CACNA1H: variants seen among roughly 807,000 people sequenced by gnomAD.
CACNA1H encodes voltage-dependent T-type calcium channel subunit alpha-1H.
Under a neutral mutation model 192.5 loss-of-function variants are expected in CACNA1H, and 149 were observed. The observed-to-expected ratio is 0.77, with a 90% CI of 0.68 to 0.89. The LOEUF is 0.89. CACNA1H is among the 40% of genes least tolerant of loss of function. The pLI, the probability that CACNA1H is intolerant of heterozygous loss-of-function variation, is 0.00. For synonymous variants in CACNA1H, 2,202 were observed against 1,475.2 expected, an observed-to-expected ratio of 1.49 and a Z score of -11.29; for missense variants, 4,257 against 3,423.5, an observed-to-expected ratio of 1.24 and a Z score of -6.08.
intron 5 of CACNA1H, among the ~76,000 whole-genome samples, chr16:1,197,606 G>T (rs3794621): frequency 6.6e-6 from 1 of 152,016 alleles, no homozygotes; most frequent in African/African-American, 2.4e-5. Context: ...TGACCTCTGG[G>T]TCATCTGTGA....
At chr16:1,192,733 G>A (rs1045904205) in intron 2 of CACNA1H, among the ~76,000 whole-genome samples, 12 of 152,190 alleles carry the variant, frequency 7.9e-5, no homozygotes, top group East Asian at 1.9e-4. Flanking sequence ...GGGGGTCTCC[G>A]GGGTGATCTG....
rs369508525 is a variant in CACNA1H, at chr16:1,209,352, C to T, written c.3684C>T (p.Phe1228=). 41 of 1,598,044 alleles carry T rather than the reference C, an allele frequency of 2.6e-5. No individual in the cohort carries two copies. The African/African-American group carries it at 2.7e-4, about 10-fold the overall frequency. The change falls in exon 17 of 35, where the codon TTC becomes TTT. Residue 1228 remains phenylalanine (F), a synonymous_variant. Transcript: ENST00000348261. ...DGQVVALPSD[F]FLRIDSHRED... ...AGGTGGTGGCCCTGCCCAGCGACTTCTTCCTGCGCATCGACAGCCACCGTG... is the reference window on the plus strand; with the variant it reads ...AGGTGGTGGCCCTGCCCAGCGACTTTTTCCTGCGCATCGACAGCCACCGTG...
intron 25 of CACNA1H, 83 bp downstream of exon 25, chr16:1,212,221 C>T (rs982055646): frequency 1.7e-5 from 26 of 1,485,832 alleles, no homozygotes; most frequent in South Asian, 5.2e-5. Flanking sequence ...ACTCCCGCCC[C>T]GGCCTCCCCG....
chr16:1,208,388 G>A (rs953804762), intron 16 of CACNA1H, among the ~76,000 whole-genome samples, 167 bp downstream of exon 16: 2 of 152,214 alleles, frequency 1.3e-5, no homozygotes, highest in Non-Finnish European at 2.9e-5. Context: ...AATGGAAGCT[G>A]TGGCTGCTGT....
At position 1,167,570 on chromosome 16, in the gene CACNA1H, C is replaced by T. The variant is rs893716701; in HGVS notation, c.299+13534C>T. ...CAAGTCGAGGAAGGCTGGAGCCACA[C>T]TCCTCACCGCGGCGGTGCCACTAAT... On this transcript the variant is annotated intron_variant, in intron 2 of 34. Coordinates refer to ENST00000348261, the MANE Select transcript of CACNA1H (RefSeq NM_021098.3). This position sits in a 1 kb window ranked among gnomAD's most constrained non-coding sequence, Gnocchi z 4.2. 2.0e-5 allele frequency among the ~76,000 whole-genome samples: 3 copies of T among 152,242 alleles called. No homozygotes were observed. The highest frequency in any genetic ancestry group is 7.2e-5 in the African/African-American group (3 of 41,468).
chr16:1,179,360 G>C (rs964818255), intron 2 of CACNA1H, among the ~76,000 whole-genome samples: 2 of 151,980 alleles, frequency 1.3e-5, no homozygotes, highest in Admixed American at 6.5e-5. Context: ...GGGATTGGGG[G>C]CCCCCCCATG....
At position 1,201,718 on chromosome 16, in the gene CACNA1H, C is replaced by G. The variant is rs60741169; in HGVS notation, c.1268C>G (p.Ser423Trp). Residue 423 changes from serine (S) to tryptophan (W), a missense_variant, in exon 9 of 35, where the codon TCG (serine) becomes TGG (tryptophan). Physicochemically the swap from Ser to Trp is radical, Grantham distance 177. Transcript: ENST00000348261. Reference sequence around the variant, plus strand: ...CTGGTGGTGATTGCCACGCAGTTCTCGGAGACGAAGCAGCGGGAGAGTCAG... The same window carrying G: ...CTGGTGGTGATTGCCACGCAGTTCTGGGAGACGAAGCAGCGGGAGAGTCAG... ...LCLVVIATQF[S>W]ETKQRESQLM... is the part of the protein sequence containing the mutation. 1 of 1,610,454 alleles carries G rather than the reference C, an allele frequency of 6.2e-7. No homozygotes were observed. Among genetic ancestry groups the G allele is most frequent in the Non-Finnish European group, 8.5e-7 (1 of 1,178,724 alleles).
chr16:1,178,820 C>T (rs956525670), intron 2 of CACNA1H, among the ~76,000 whole-genome samples: 7 of 152,212 alleles, frequency 4.6e-5, no homozygotes, highest in Non-Finnish European at 8.8e-5. Flanking sequence ...AGAGATGTGG[C>T]GGAGTGGCCG....
intron 18 of CACNA1H, 65 bp downstream of exon 18, chr16:1,210,200 C>T (rs1438838595): frequency 2.2e-6 from 3 of 1,359,786 alleles, no homozygotes; most frequent in Middle Eastern, 1.8e-4. Flanking sequence ...GCCCCCAGGT[C>T]CCTCCTGGGT....
intron 2 of CACNA1H, among the ~76,000 whole-genome samples, chr16:1,178,232 A>G (rs1184931620): frequency 3.4e-5 from 4 of 118,560 alleles, no homozygotes; most frequent in Admixed American, 9.0e-5. Flanking sequence ...GGATCCCCCA[A>G]CGGGCTCTCC....
chr16:1,220,549 C>T lies in CACNA1H; in HGVS notation c.6617C>T (p.Pro2206Leu), dbSNP rs754398374. 4.6e-6 allele frequency: 7 copies of T among 1,531,918 alleles called. No homozygotes were observed. In the African/African-American group the frequency reaches 9.8e-5, roughly 21 times the overall value. 94.9% of individuals were successfully genotyped at this position (1,531,918 alleles called of 1,614,324 possible). Residue 2206 changes from proline to leucine, a missense_variant, in exon 35 of 35, where the codon CCC (proline) becomes CTC (leucine). Coordinates refer to ENST00000348261, the MANE Select transcript of CACNA1H (RefSeq NM_021098.3). ...GCGGAGGACGAGGGCTCTGCGCGGCCCTCCGCGGCAGAGGGCGGCAGCACC... is the reference window on the plus strand; with the variant it reads ...GCGGAGGACGAGGGCTCTGCGCGGCTCTCCGCGGCAGAGGGCGGCAGCACC... ...PPAEDEGSAR[P>L]SAAEGGSTTL...
At chr16:1,156,388 C>G (rs535929810) in intron 2 of CACNA1H, among the ~76,000 whole-genome samples, 1 of 152,214 alleles carries the variant, frequency 6.6e-6, no homozygotes, top group African/African-American at 2.4e-5. Context: ...GGTGTGTGTC[C>G]TGGCGTCAGA....
rs757429018 is a variant in CACNA1H at position 1,213,767 on chromosome 16, G to A, written c.4778-13G>A. On this transcript the variant is annotated splice_polypyrimidine_tract_variant and intron_variant, in intron 26 of 34. Coordinates refer to ENST00000348261, the MANE Select transcript of CACNA1H (RefSeq NM_021098.3). The stretch of plus-strand genomic sequence containing the variant: ...GCCCTCCTGCCCGGCGCTCATGGCC[G>A]CCCTCCCCGCAGAGGCCCAGCGCCG... The A allele has an allele frequency of 3.5e-5, 54 of 1,535,546 alleles. No homozygotes were observed. Among genetic ancestry groups the A allele is most frequent in the African/African-American group, 1.2e-4 (9 of 72,672 alleles).
intron 2 of CACNA1H, among the ~76,000 whole-genome samples, chr16:1,166,286 G>A (rs567141949): frequency 1.3e-5 from 2 of 152,250 alleles, no homozygotes; most frequent in Admixed American, 6.5e-5. Context: ...CGTGGGGAGC[G>A]GGAGACAGGA....
chr16:1,194,255 G>A (rs575210739), intron 2 of CACNA1H, among the ~76,000 whole-genome samples: 13 of 152,174 alleles, frequency 8.5e-5, no homozygotes, highest in Non-Finnish European at 1.3e-4. Context: ...GTGACGGCAG[G>A]GACTGTCAGA....
At position 1,215,571 on chromosome 16, in the gene CACNA1H, C is replaced by T. The variant is rs1969953886; in HGVS notation, c.5222C>T (p.Thr1741Ile). ...ACGGGCATGCGCGCCCTGCTGGACA[C>T]TGTGGTGCAAGCTCTCCCCCAGGTA... ...MATGMRALLD[T>I]VVQALPQVGN... is the part of the protein sequence containing the mutation. The change falls in exon 30 of 35, where the codon ACT (threonine) becomes ATT (isoleucine). Residue 1741 changes from threonine (T) to isoleucine (I), a missense_variant. By Grantham distance (89) the Thr-to-Ile change is moderately conservative. Transcript: ENST00000348261. 6.2e-7 allele frequency: 1 copy of T among 1,611,642 alleles called. No homozygotes were observed. The highest frequency in any genetic ancestry group is 8.5e-7 in the Non-Finnish European group (1 of 1,179,564).
intron 32 of CACNA1H, 77 bp from the exon 33 acceptor site, chr16:1,218,133 G>A: frequency 3.9e-6 from 6 of 1,535,418 alleles, no homozygotes; most frequent in Non-Finnish European, 3.5e-6. Flanking sequence ...TGCAGGGCAG[G>A]GGGAAGGGGA....
chr16:1,213,745 C>G, intron 26 of CACNA1H, 35 bp from the exon 27 acceptor site: 1 of 1,486,014 alleles, frequency 6.7e-7, no homozygotes, highest in Non-Finnish European at 8.9e-7. Flanking sequence ...CCGGGCGGCC[C>G]TCCTGCCCGG....
chr16:1,208,110 C>G lies in CACNA1H; in HGVS notation c.3252C>G (p.Pro1084=), dbSNP rs377223694. 1.5e-5 allele frequency: 24 copies of G among 1,594,884 alleles called. No individual in the cohort carries two copies. Among genetic ancestry groups the G allele is most frequent in the East Asian group, 2.3e-5 (1 of 43,626 alleles). The part of the protein sequence containing the change: ...PPLIMCTAAT[P]MPTPKSSPFL... ...TCATCATGTGCACAGCTGCCACGCC[C>G]ATGCCTACCCCCAAGAGCTCACCAT... The change falls in exon 16 of 35, where the codon CCC becomes CCG. Residue 1084 remains proline (P), a synonymous_variant. Transcript: ENST00000348261.
Sources: allele counts gnomAD v4.1 joint callset (sites outside exome capture counted in the v4.1 genomes callset), GRCh38; gene constraint gnomAD v4.1.1; non-coding constraint Gnocchi (gnomAD v3.1); transcripts MANE v1.5; gene names NCBI Gene and HGNC (gene_info 2026-07-23, HGNC 2026-07-21).